The following RBFOX1 variants were observed in gnomAD, a reference collection of about 807,000 sequenced individuals.
RBFOX1 encodes the protein RNA binding fox-1 homolog 1, also known as RNA binding protein fox-1 homolog 1.
Under a neutral mutation model 57.7 loss-of-function variants are expected in RBFOX1, and 8 were observed. The ratio of observed to expected loss-of-function variants is 0.14; its 90% CI spans 0.08 to 0.25. The LOEUF (loss-of-function observed/expected upper bound fraction) is 0.25. RBFOX1 is among the 10% of genes least tolerant of loss of function. The pLI is 1.00. For missense variants in RBFOX1, 611 were observed against 548.5 expected, an observed-to-expected ratio of 1.11 and a Z score of -1.14; for synonymous variants, 326 against 222.4, an observed-to-expected ratio of 1.47 and a Z score of -4.15.
intron 4 of RBFOX1, among the ~76,000 whole-genome samples, chr16:7,324,729 C>G (rs757163427): frequency 6.6e-6 from 1 of 152,054 alleles, no homozygotes; most frequent in Non-Finnish European, 1.5e-5. Flanking sequence ...TCAGCAGGCT[C>G]CTCACTTACA....
chr16:5,799,376 A>G (rs951303512), intron 3 of RBFOX1, among the ~76,000 whole-genome samples: 2 of 152,172 alleles, frequency 1.3e-5, no homozygotes, highest in Non-Finnish European at 2.9e-5. Context: ...TGTAAAAGCA[A>G]CCTCATTGGT....
intron 2 of RBFOX1, among the ~76,000 whole-genome samples, chr16:6,419,920 A>C (rs1382343120): frequency 6.6e-6 from 1 of 152,162 alleles, no homozygotes; most frequent in African/African-American, 2.4e-5. Context: ...TGTTTAATGC[A>C]CGGAGAGTCA....
chr16:7,668,159 T>C (rs1262494703), intron 13 of RBFOX1, among the ~76,000 whole-genome samples: 2 of 152,200 alleles, frequency 1.3e-5, no homozygotes, highest in Non-Finnish European at 2.9e-5. Context: ...CTAGGTGCCC[T>C]GCTCTCTCCC....
chr16:6,767,953 G>A (rs79224179), intron 3 of RBFOX1, among the ~76,000 whole-genome samples: 3,724 of 91,598 alleles, frequency 0.041, 149 homozygotes, highest in African/African-American at 0.14. Flanking sequence ...ATAATAAGAA[G>A]AAGAAGAAGA....
chr16:7,292,246 T>TATATATG (rs1389096454), intron 4 of RBFOX1, among the ~76,000 whole-genome samples: 1 of 96,016 alleles, frequency 1.0e-5, no homozygotes, highest in African/African-American at 4.9e-5. Flanking sequence ...TTATATATCA[T>TATATATG]ATATATGATA....
chr16:6,422,523 G>A (rs1337083506), intron 2 of RBFOX1, among the ~76,000 whole-genome samples: 11 of 152,112 alleles, frequency 7.2e-5, no homozygotes, highest in Non-Finnish European at 4.4e-5. Flanking sequence ...AATTTTTAAA[G>A]AAGAGAGGTC....
intron 3 of RBFOX1, among the ~76,000 whole-genome samples, chr16:6,823,496 A>T (rs551564104): frequency 6.6e-6 from 1 of 151,814 alleles, no homozygotes; most frequent in Non-Finnish European, 1.5e-5. Context: ...GTCTCAGGTC[A>T]TCTGTATGCC....
At chr16:5,657,189 T>A (rs2049458999) in intron 3 of RBFOX1, among the ~76,000 whole-genome samples, 2 of 152,214 alleles carry the variant, frequency 1.3e-5, no homozygotes, top group Non-Finnish European at 2.9e-5. Flanking sequence ...CTGGGAATGA[T>A]CTGGTTGATT....
intron 1 of RBFOX1, among the ~76,000 whole-genome samples, chr16:5,466,329 C>G (rs1173970386): frequency 1.3e-5 from 2 of 152,116 alleles, no homozygotes; most frequent in Non-Finnish European, 2.9e-5. Context: ...ACTCAGCCTT[C>G]TGAGACCAAG....
At chr16:5,349,906 G>A (rs1159160956) in intron 1 of RBFOX1, among the ~76,000 whole-genome samples, 1 of 152,038 alleles carries the variant, frequency 6.6e-6, no homozygotes, top group Non-Finnish European at 1.5e-5. Context: ...ACCATCCACC[G>A]GCTCCCACTC....
chr16:7,664,773 G>T, intron 12 of RBFOX1, 156 bp from the exon 13 acceptor site: 1 of 1,362,354 alleles, frequency 7.3e-7, no homozygotes, highest in South Asian at 1.3e-5. Context: ...CTCAACTGCC[G>T]TTGTCTCCAA....
chr16:6,741,455 G>A (rs2072084049), intron 3 of RBFOX1, among the ~76,000 whole-genome samples: 1 of 152,124 alleles, frequency 6.6e-6, no homozygotes, highest in Non-Finnish European at 1.5e-5. Context: ...CCTGAGGTCA[G>A]GAGTTCGAGA....
chr16:7,682,900 G>T (rs926567156), intron 14 of RBFOX1, among the ~76,000 whole-genome samples: 79 of 146,832 alleles, frequency 5.4e-4, no homozygotes, highest in Non-Finnish European at 9.9e-4. Flanking sequence ...GAAAGCAATT[G>T]TCCTAGACAG....
At chr16:7,689,159 C>T (rs780570944) in intron 14 of RBFOX1, among the ~76,000 whole-genome samples, 11 of 152,082 alleles carry the variant, frequency 7.2e-5, no homozygotes, top group East Asian at 1.9e-4. Context: ...GTCATAAGTG[C>T]CCCATCAGTG....
intron 2 of RBFOX1, among the ~76,000 whole-genome samples, chr16:6,534,860 A>G (rs2096713688): frequency 6.6e-6 from 1 of 152,134 alleles, no homozygotes; most frequent in African/African-American, 2.4e-5. Flanking sequence ...TCATGTAATT[A>G]CACATGAATG....
At chr16:7,534,491 C>T (rs577482938) in intron 5 of RBFOX1, among the ~76,000 whole-genome samples, 19 of 152,016 alleles carry the variant, frequency 1.2e-4, no homozygotes, top group Non-Finnish European at 2.2e-4. Context: ...GTGTAGAATA[C>T]GGTAAGCCCC....
At chr16:6,986,429 C>G (rs960968478) in intron 3 of RBFOX1, among the ~76,000 whole-genome samples, 1 of 151,902 alleles carries the variant, frequency 6.6e-6, no homozygotes, top group Non-Finnish European at 1.5e-5. Context: ...GAACTCCTGA[C>G]CTCAAGTGAT....
chr16:7,253,909 G>T (rs1032797743), intron 4 of RBFOX1, among the ~76,000 whole-genome samples: 1 of 152,176 alleles, frequency 6.6e-6, no homozygotes, highest in African/African-American at 2.4e-5. Context: ...TGAATCTGAA[G>T]AGTCTTTATA....
intron 4 of RBFOX1, among the ~76,000 whole-genome samples, chr16:7,289,356 G>A (rs934898354): frequency 7.9e-5 from 12 of 151,626 alleles, no homozygotes; most frequent in African/African-American, 2.4e-4. Flanking sequence ...TTACTTTTGT[G>A]TTTACAATCA....
Sources: allele counts gnomAD v4.1 joint callset (sites outside exome capture counted in the v4.1 genomes callset), GRCh38; gene constraint gnomAD v4.1.1; transcripts MANE v1.5; gene names NCBI Gene and HGNC (gene_info 2026-07-23, HGNC 2026-07-21).